RGS17: variants seen among roughly 807,000 people sequenced by gnomAD.
RGS17 encodes regulator of G protein signaling 17.
RGS17 carries 12 observed loss-of-function variants against 25.5 expected under a neutral mutation model. That is an observed-to-expected ratio of 0.47 (90% CI 0.30 to 0.76). RGS17 has a LOEUF of 0.76. Among genes scored for constraint, RGS17 ranks in the 30% least tolerant of loss-of-function variants. The pLI is 0.07. For missense variants in RGS17, 196 were observed against 242.2 expected, an observed-to-expected ratio of 0.81 and a Z score of 1.27; for synonymous variants, 71 against 76.9, an observed-to-expected ratio of 0.92 and a Z score of 0.40.
At position 153,010,454 on chromosome 6, in the gene RGS17, T is replaced by C. The variant is rs1413912804; in HGVS notation, c.*1120A>G. ...CATCTTTAAAATGTCATCCTTAAGA[T>C]ATTATGTGAAAACAGTTAAGGTCTG... On this transcript the variant is annotated 3_prime_UTR_variant, in exon 5 of 5. Coordinates refer to ENST00000206262, the MANE Select transcript of RGS17 (RefSeq NM_012419.5). The C allele has an allele frequency of 6.6e-6, 1 of 152,068 alleles. No individual in the cohort carries two copies. Among genetic ancestry groups the C allele is most frequent in the Non-Finnish European group, 1.5e-5 (1 of 67,900 alleles). 9.4% of individuals were successfully genotyped at this position (152,068 alleles called of 1,614,324 possible). A position where few individuals can be genotyped will look rare whatever the true frequency, so the allele number is the denominator to read the frequency against.
intron 1 of RGS17, among the ~76,000 whole-genome samples, chr6:153,115,746 A>T (rs1011441320): frequency 6.6e-6 from 1 of 152,182 alleles, no homozygotes; most frequent in Non-Finnish European, 1.5e-5. Flanking sequence ...AATGGAACAG[A>T]ACAGAGGCCT....
rs773492840 is a variant in RGS17, at chr6:153,008,948, C to A, written c.*2626G>T. 4 of 152,102 alleles carry A rather than the reference C, an allele frequency of 2.6e-5. No homozygotes were observed. Among genetic ancestry groups the A allele is most frequent in the African/African-American group, 7.2e-5 (3 of 41,442 alleles). 9.4% of individuals were successfully genotyped at this position (152,102 alleles called of 1,614,324 possible). A position where few individuals can be genotyped will look rare whatever the true frequency, so the allele number is the denominator to read the frequency against. ...GAAACCCTCCCCTCACCCAAAAATA[C>A]GAGTTTAGCACAGAAATGCTCACAT... On this transcript the variant is annotated 3_prime_UTR_variant, in exon 5 of 5. Transcript: ENST00000206262.
At position 153,020,109 on chromosome 6, in the gene RGS17, AAAATATAT is replaced by A. The variant is rs1228216848; in HGVS notation, c.444+4145_444+4152del. On this transcript the variant is annotated intron_variant, in intron 4 of 4. Transcript: ENST00000206262. ...CTAATTGCAAATATCTTAAAAAAAA[AAAATATAT>A]ATATATATATATATATATATATTTT... Among the ~76,000 whole-genome samples the A allele has an allele frequency of 2.2e-3, 133 of 60,850 alleles. 1 individual carries two copies. Among genetic ancestry groups the A allele is most frequent in the East Asian group, 0.013 (22 of 1,670 alleles). 39.9% of individuals were successfully genotyped at this position (60,850 alleles called of 152,430 possible).
chr6:153,019,959 T>C (rs1779222652), intron 4 of RGS17, among the ~76,000 whole-genome samples: 1 of 151,356 alleles, frequency 6.6e-6, no homozygotes, highest in African/African-American at 2.4e-5. Flanking sequence ...TGTTTTCCCT[T>C]GAAGACATCA....
Position 153,120,848 on chromosome 6 carries a change from C to T in RGS17, c.-26+10276G>A, listed in dbSNP as rs924730080. Among the ~76,000 whole-genome samples the T allele has an allele frequency of 5.8e-3, 266 of 45,942 alleles. 1 individual carries two copies. The highest frequency in any genetic ancestry group is 0.021 in the African/African-American group (258 of 12,076). 30.1% of individuals were successfully genotyped at this position (45,942 alleles called of 152,430 possible). A position where few individuals can be genotyped will look rare whatever the true frequency, so the allele number is the denominator to read the frequency against. ...ACATTGTTTTTGAGCCTGGAGACAC[C>T]TTTCTTTGTCTGTCAAAATTCTATC... On this transcript the variant is annotated intron_variant, in intron 1 of 4. Transcript: ENST00000206262.
rs57585521 is a variant in RGS17 at position 153,026,250 on chromosome 6, T to C, written c.209+204A>G. On this transcript the variant is annotated intron_variant, in intron 3 of 4. Transcript: ENST00000206262. ...AGAAAAGTAAATTTAGATCATGTTT[T>C]AGCCAATAACTTAACATAGCTAATA... is the stretch of plus-strand genomic sequence containing the variant. Among the ~76,000 whole-genome samples the C allele has an allele frequency of 7.2e-5, 11 of 152,346 alleles. No individual in the cohort carries two copies. The East Asian group carries it at 2.1e-3, about 29-fold the overall frequency.
intron 1 of RGS17, among the ~76,000 whole-genome samples, chr6:153,111,041 A>T (rs977867574): frequency 3.3e-5 from 5 of 151,030 alleles, no homozygotes; most frequent in Middle Eastern, 3.4e-3. Context: ...TAGCTGCAGG[A>T]GTGTTTTTTT....
chr6:153,102,451 C>G (rs913807974), intron 1 of RGS17, among the ~76,000 whole-genome samples: 2 of 152,202 alleles, frequency 1.3e-5, no homozygotes, highest in Admixed American at 6.5e-5. Context: ...TGATACATAT[C>G]TTTACTAGTA....
At chr6:153,079,082 A>T (rs549135708) in intron 1 of RGS17, among the ~76,000 whole-genome samples, 63 of 147,894 alleles carry the variant, frequency 4.3e-4, no homozygotes, top group East Asian at 3.8e-3. Flanking sequence ...GAAGTGATAA[A>T]TTTTTTTTTT....
intron 2 of RGS17, among the ~76,000 whole-genome samples, chr6:153,031,131 G>C (rs1419695188): frequency 1.3e-5 from 2 of 152,148 alleles, no homozygotes; most frequent in African/African-American, 4.8e-5. Flanking sequence ...GAATAAAACA[G>C]GCAGCAAAGT....
At chr6:153,048,845 C>T (rs1464399114) in intron 1 of RGS17, among the ~76,000 whole-genome samples, 1 of 152,132 alleles carries the variant, frequency 6.6e-6, no homozygotes, top group African/African-American at 2.4e-5. Context: ...CATCACTAGT[C>T]ATACTACAAG....
intron 1 of RGS17, among the ~76,000 whole-genome samples, chr6:153,083,843 C>G (rs1777016484): frequency 6.6e-6 from 1 of 152,102 alleles, no homozygotes; most frequent in Non-Finnish European, 1.5e-5. Flanking sequence ...GTCAGTTTTG[C>G]CACATGAAAA....
At chr6:153,038,088 A>AG (rs902434993) in intron 2 of RGS17, among the ~76,000 whole-genome samples, 2 of 152,198 alleles carry the variant, frequency 1.3e-5, no homozygotes, top group African/African-American at 4.8e-5. Flanking sequence ...ATGTAGAGTG[A>AG]GTCAGCTTTG....
chr6:153,030,326 T>C (rs894921992), intron 2 of RGS17, among the ~76,000 whole-genome samples: 2 of 152,190 alleles, frequency 1.3e-5, no homozygotes, highest in African/African-American at 2.4e-5. Context: ...GACACTCTTC[T>C]ATTGTAAGGA....
At chr6:153,034,850 A>G (rs1317199865) in intron 2 of RGS17, among the ~76,000 whole-genome samples, 27 of 152,152 alleles carry the variant, frequency 1.8e-4, no homozygotes, top group Non-Finnish European at 1.5e-5. Flanking sequence ...TGTACTTTTA[A>G]ATAATCTATA....
Position 153,044,031 on chromosome 6 carries a change from A to C in RGS17, c.-13T>G, listed in dbSNP as rs1470419636. ...GCCTTTTTCGCATTTCAGCTACTTC[A>C]GGACCCAGTTGGCTGAAAGAGATAA... On this transcript the variant is annotated 5_prime_UTR_variant, in exon 2 of 5. Coordinates refer to ENST00000206262, the MANE Select transcript of RGS17 (RefSeq NM_012419.5). 1 of 1,557,744 alleles carries C rather than the reference A, an allele frequency of 6.4e-7. No homozygotes were observed.
intron 1 of RGS17, among the ~76,000 whole-genome samples, chr6:153,081,488 C>CATGTATAT (rs1776980334): frequency 7.1e-6 from 1 of 140,576 alleles, no homozygotes; most frequent in South Asian, 3.7e-4. Context: ...TTTTGTAGAT[C>CATGTATAT]ATGTATATGG....
At chr6:153,108,914 A>T (rs1052519045) in intron 1 of RGS17, among the ~76,000 whole-genome samples, 1 of 151,852 alleles carries the variant, frequency 6.6e-6, no homozygotes, top group African/African-American at 2.4e-5. Flanking sequence ...TCAAAGACCA[A>T]GTATAGCCAT....
At chr6:153,058,900 T>C (rs1290266723) in intron 1 of RGS17, among the ~76,000 whole-genome samples, 1 of 29,062 alleles carries the variant, frequency 3.4e-5, no homozygotes, top group Non-Finnish European at 6.9e-5. Context: ...GTTAGCGCAT[T>C]TTTTTTTTTT....
Sources: gnomAD v4.1 joint callset for allele counts (sites outside exome capture counted in the v4.1 genomes callset) on GRCh38, gnomAD v4.1.1 for gene constraint, MANE v1.5 for transcripts, NCBI Gene and HGNC (gene_info 2026-07-23, HGNC 2026-07-21) for gene names.